RABGAP1L: variants seen among roughly 807,000 people sequenced by gnomAD.
RABGAP1L encodes rab GTPase-activating protein 1-like.
Under a neutral mutation model 137.7 loss-of-function variants are expected in RABGAP1L, and 63 were observed. The observed-to-expected ratio is 0.46, with a 90% CI of 0.37 to 0.56. The LOEUF is 0.56. RABGAP1L is among the 20% of genes least tolerant of loss of function. The probability of loss-of-function intolerance (pLI) is 0.00; values close to 1 mark genes in which losing one functional copy is unlikely to be tolerated. For synonymous variants in RABGAP1L, 431 were observed against 433.7 expected (o/e 0.99, Z 0.08); for missense variants, 1,095 against 1,244.0 (o/e 0.88, Z 1.80).
intron 1 of RABGAP1L, among the ~76,000 whole-genome samples, chr1:174,218,129 T>G (rs1669478552): frequency 6.6e-6 from 1 of 152,134 alleles, no homozygotes; most frequent in South Asian, 2.1e-4. Context: ...TTTTTTGTCT[T>G]TCAGGTTTAG....
At chr1:174,699,796 T>G in intron 16 of RABGAP1L, 146 bp downstream of exon 16, 1 of 720,792 alleles carries the variant, frequency 1.4e-6, no homozygotes, top group Non-Finnish European at 2.2e-6. Flanking sequence ...GACCAATATC[T>G]ACATTGGTCT....
chr1:174,676,291 A>C (rs989267845), intron 14 of RABGAP1L, among the ~76,000 whole-genome samples: 8 of 152,020 alleles, frequency 5.3e-5, no homozygotes, highest in Non-Finnish European at 1.5e-5. Context: ...GGCCCTTTTA[A>C]ATATTAGGGA....
chr1:174,642,985 A>C (rs1020069673), intron 14 of RABGAP1L, among the ~76,000 whole-genome samples: 1 of 151,914 alleles, frequency 6.6e-6, no homozygotes, highest in African/African-American at 2.4e-5. Context: ...GGGTTTCACT[A>C]TGTCAATCAG....
intron 13 of RABGAP1L, among the ~76,000 whole-genome samples, chr1:174,409,178 C>T (rs773097594): frequency 5.3e-5 from 8 of 152,106 alleles, no homozygotes; most frequent in Non-Finnish European, 1.0e-4. Flanking sequence ...GCTGGAGCTG[C>T]GGCAGAAGAA....
intron 22 of RABGAP1L, 126 bp downstream of exon 22, chr1:174,976,308 G>C (rs1574058476): frequency 1.3e-6 from 1 of 777,360 alleles, no homozygotes; most frequent in South Asian, 1.9e-5. Flanking sequence ...AATGTAAGTA[G>C]TTGAGTGTAC....
chr1:174,404,004 A>T (rs1295134324), intron 13 of RABGAP1L, among the ~76,000 whole-genome samples: 2 of 152,160 alleles, frequency 1.3e-5, no homozygotes, highest in Non-Finnish European at 2.9e-5. Flanking sequence ...TTCACTTATT[A>T]ATTCACTTAT....
At chr1:174,352,971 A>G (rs1337696064) in intron 11 of RABGAP1L, among the ~76,000 whole-genome samples, 1 of 152,000 alleles carries the variant, frequency 6.6e-6, no homozygotes, top group African/African-American at 2.4e-5. Flanking sequence ...GTGTTTGGGG[A>G]GGGGTGACAC....
At chr1:174,417,344 T>A (rs958286504) in intron 13 of RABGAP1L, among the ~76,000 whole-genome samples, 2 of 152,214 alleles carry the variant, frequency 1.3e-5, no homozygotes, top group African/African-American at 4.8e-5. Flanking sequence ...CTAAATCTTA[T>A]ACAAATGATG....
chr1:174,828,697 G>A (rs1013997779), intron 19 of RABGAP1L, among the ~76,000 whole-genome samples: 1 of 148,432 alleles, frequency 6.7e-6, no homozygotes, highest in African/African-American at 2.5e-5. Flanking sequence ...TTAATTCCTT[G>A]TTGTAGCTAT....
At chr1:174,354,539 C>T (rs116141661) in intron 11 of RABGAP1L, among the ~76,000 whole-genome samples, 2,287 of 152,214 alleles carry the variant, frequency 0.015, 28 homozygotes, top group Middle Eastern at 0.065. Flanking sequence ...AATAGATATT[C>T]CTAAGTTACT....
intron 13 of RABGAP1L, among the ~76,000 whole-genome samples, chr1:174,550,950 A>G (rs1433266823): frequency 8.2e-6 from 1 of 121,474 alleles, no homozygotes; most frequent in Non-Finnish European, 1.6e-5. Flanking sequence ...ATATACACAC[A>G]TATATATACA....
intron 14 of RABGAP1L, among the ~76,000 whole-genome samples, chr1:174,642,523 T>C (rs1283853603): frequency 6.6e-6 from 1 of 152,182 alleles, no homozygotes; most frequent in East Asian, 1.9e-4. Flanking sequence ...ACTTAGTTGA[T>C]ATTATTTTCA....
chr1:174,805,027 T>TA (rs1477102341), intron 18 of RABGAP1L, among the ~76,000 whole-genome samples: 1 of 83,824 alleles, frequency 1.2e-5, no homozygotes, highest in Non-Finnish European at 3.5e-5. Flanking sequence ...ATACTTCTGA[T>TA]ACCCCCCAAA....
chr1:174,200,710 G>A (rs557456948), intron 1 of RABGAP1L, among the ~76,000 whole-genome samples: 1 of 152,072 alleles, frequency 6.6e-6, no homozygotes, highest in African/African-American at 2.4e-5. Context: ...TTTGTTTCCT[G>A]CTATATTTGT....
intron 18 of RABGAP1L, among the ~76,000 whole-genome samples, chr1:174,780,958 G>C (rs373571004): frequency 1.1e-4 from 16 of 151,876 alleles, no homozygotes; most frequent in East Asian, 5.8e-4. Context: ...TTTTCTTAAT[G>C]CAGTCTATCA....
intron 11 of RABGAP1L, among the ~76,000 whole-genome samples, chr1:174,325,556 C>T (rs1000929026): frequency 2.6e-5 from 4 of 152,164 alleles, no homozygotes; most frequent in South Asian, 4.1e-4. Flanking sequence ...ACTAAGATGC[C>T]TCTTTCTACA....
At chr1:174,662,044 C>T (rs990233589) in intron 14 of RABGAP1L, among the ~76,000 whole-genome samples, 2 of 151,362 alleles carry the variant, frequency 1.3e-5, no homozygotes, top group Non-Finnish European at 2.9e-5. Context: ...TATAAAATAA[C>T]CATAAAACAG....
intron 11 of RABGAP1L, among the ~76,000 whole-genome samples, chr1:174,329,756 G>A (rs541807805): frequency 1.3e-4 from 20 of 152,100 alleles, no homozygotes; most frequent in Non-Finnish European, 2.4e-4. Context: ...TACAGAGAGA[G>A]CATGTGACAG....
chr1:174,402,147 T>C (rs1419734474), intron 13 of RABGAP1L, among the ~76,000 whole-genome samples: 2 of 152,168 alleles, frequency 1.3e-5, no homozygotes, highest in Non-Finnish European at 2.9e-5. Flanking sequence ...CATATATCCT[T>C]TCCATGTAAG....
Sources: gnomAD v4.1 joint callset for allele counts (sites outside exome capture counted in the v4.1 genomes callset) on GRCh38, gnomAD v4.1.1 for gene constraint, MANE v1.5 for transcripts, NCBI Gene and HGNC (gene_info 2026-07-23, HGNC 2026-07-21) for gene names.